The following CSMD1 variants were observed in gnomAD, a reference collection of about 807,000 sequenced individuals.
CSMD1 encodes CUB and sushi domain-containing protein 1.
CSMD1 carries 213 observed loss-of-function variants against 417.5 expected under a neutral mutation model. The ratio of observed to expected loss-of-function variants is 0.51; its 90% CI spans 0.46 to 0.57. The LOEUF (loss-of-function observed/expected upper bound fraction) is 0.57, where lower values mean the gene tolerates loss of function less well. Among genes scored for constraint, CSMD1 ranks in the 20% least tolerant of loss-of-function variants. The pLI, the probability that CSMD1 is intolerant of heterozygous loss-of-function variation, is 0.00. For synonymous variants in CSMD1, 2,862 were observed against 1,736.8 expected (o/e 1.65, Z -16.11); for missense variants, 6,923 against 4,529.7 (o/e 1.53, Z -15.17).
chr8:4,232,693 T>A (rs1327799751), intron 3 of CSMD1, among the ~76,000 whole-genome samples: 1 of 152,148 alleles, frequency 6.6e-6, no homozygotes, highest in Non-Finnish European at 1.5e-5. Context: ...GAAGGAGACA[T>A]TTTATAAAAG....
At chr8:2,973,089 G>T in intron 57 of CSMD1, 28 bp downstream of exon 57, 1 of 1,601,634 alleles carries the variant, frequency 6.2e-7, no homozygotes, top group Non-Finnish European at 8.5e-7. Flanking sequence ...AACTTTCAAG[G>T]TGGACCTTAA....
At chr8:4,443,508 T>C (rs1259886413) in intron 2 of CSMD1, among the ~76,000 whole-genome samples, 1 of 152,194 alleles carries the variant, frequency 6.6e-6, no homozygotes, top group Non-Finnish European at 1.5e-5. Flanking sequence ...CCACATATAT[T>C]AACACCAGAA....
At chr8:4,784,260 C>A (rs1461521494) in intron 1 of CSMD1, among the ~76,000 whole-genome samples, 1 of 152,204 alleles carries the variant, frequency 6.6e-6, no homozygotes, top group African/African-American at 2.4e-5. Context: ...CCCAAGTAAA[C>A]AGGCTTTACC....
At chr8:4,821,657 A>C (rs1215624016) in intron 1 of CSMD1, among the ~76,000 whole-genome samples, 1 of 152,160 alleles carries the variant, frequency 6.6e-6, no homozygotes, top group East Asian at 1.9e-4. Flanking sequence ...GGAATTTTGA[A>C]AGGAAATGAT....
intron 5 of CSMD1, among the ~76,000 whole-genome samples, chr8:3,907,517 T>A (rs1162160422): frequency 6.6e-6 from 1 of 152,138 alleles, no homozygotes; most frequent in African/African-American, 2.4e-5. Context: ...TCTCACAGAA[T>A]TGTGCAGATC....
At chr8:4,103,708 T>G (rs192116673) in intron 3 of CSMD1, among the ~76,000 whole-genome samples, 15 of 152,242 alleles carry the variant, frequency 9.9e-5, no homozygotes, top group African/African-American at 3.4e-4. Context: ...TTAAAACCCA[T>G]GATAAGAGTT....
intron 5 of CSMD1, among the ~76,000 whole-genome samples, chr8:3,756,816 G>A (rs773421307): frequency 6.6e-6 from 1 of 150,712 alleles, no homozygotes; most frequent in East Asian, 1.9e-4. Flanking sequence ...TTTTTCTTGA[G>A]ACAGTGTCTT....
intron 3 of CSMD1, among the ~76,000 whole-genome samples, chr8:4,089,178 G>A (rs539655089): frequency 2.0e-5 from 3 of 152,272 alleles, no homozygotes; most frequent in South Asian, 4.1e-4. Context: ...TCTTTATGGT[G>A]ACAATCTGTT....
chr8:3,884,593 G>C (rs866957779), intron 5 of CSMD1, among the ~76,000 whole-genome samples: 2 of 152,148 alleles, frequency 1.3e-5, no homozygotes, highest in Admixed American at 6.5e-5. Context: ...GGAAACATCG[G>C]TGAGAAGTCA....
intron 42 of CSMD1, chr8:3,113,103 A>AT (rs1816629588): frequency 6.6e-6 from 1 of 152,226 alleles, no homozygotes; most frequent in Non-Finnish European, 1.5e-5. Context: ...CAGGAAGCGT[A>AT]TCCCCCCTGC....
chr8:4,431,773 T>C (rs1001387892), intron 2 of CSMD1, among the ~76,000 whole-genome samples: 1 of 152,176 alleles, frequency 6.6e-6, no homozygotes, highest in Non-Finnish European at 1.5e-5. Context: ...TAACCTGGCA[T>C]GTATTAGAAA....
intron 26 of CSMD1, among the ~76,000 whole-genome samples, chr8:3,277,353 G>C (rs932132343): frequency 6.6e-6 from 1 of 152,144 alleles, no homozygotes; most frequent in Non-Finnish European, 1.5e-5. Flanking sequence ...GTGCGCAGGT[G>C]GGCCAGAAAG....
intron 5 of CSMD1, among the ~76,000 whole-genome samples, chr8:3,834,705 T>G (rs139619559): frequency 1.3e-5 from 2 of 152,034 alleles, no homozygotes; most frequent in East Asian, 3.9e-4. Flanking sequence ...TCAAAAGTCT[T>G]GGGCAGATTA....
chr8:4,016,684 C>T (rs192944451), intron 4 of CSMD1, among the ~76,000 whole-genome samples: 1 of 152,204 alleles, frequency 6.6e-6, no homozygotes, highest in Non-Finnish European at 1.5e-5. Flanking sequence ...AGAGCTTCAG[C>T]AAAATAGATT....
chr8:4,527,017 T>A (rs958445405), intron 2 of CSMD1, among the ~76,000 whole-genome samples: 6 of 152,232 alleles, frequency 3.9e-5, no homozygotes, highest in African/African-American at 1.4e-4. Flanking sequence ...ATAGAGCTAT[T>A]GAGCTGTATA....
chr8:3,020,378 G>A (rs868184048), intron 51 of CSMD1, among the ~76,000 whole-genome samples: 2 of 152,148 alleles, frequency 1.3e-5, no homozygotes, highest in African/African-American at 4.8e-5. Context: ...TTTTGTTGTT[G>A]TTTATGTAGA....
intron 4 of CSMD1, among the ~76,000 whole-genome samples, chr8:4,007,894 A>G (rs887949027): frequency 6.6e-6 from 1 of 151,708 alleles, no homozygotes; most frequent in Non-Finnish European, 1.5e-5. Flanking sequence ...TTTCTTAAGA[A>G]TGAGTGTTAA....
chr8:4,755,451 A>C (rs1811606681), intron 1 of CSMD1, among the ~76,000 whole-genome samples: 1 of 152,158 alleles, frequency 6.6e-6, no homozygotes, highest in South Asian at 2.1e-4. Flanking sequence ...TTTTTTATTT[A>C]AATAAATTTA....
intron 1 of CSMD1, among the ~76,000 whole-genome samples, chr8:4,889,996 C>A (rs1804001059): frequency 6.6e-6 from 1 of 152,100 alleles, no homozygotes; most frequent in South Asian, 2.1e-4. Context: ...TATATGACTT[C>A]AGGTATCTTA....
Sources: gnomAD v4.1 joint callset for allele counts (sites outside exome capture counted in the v4.1 genomes callset) on GRCh38, gnomAD v4.1.1 for gene constraint, MANE v1.5 for transcripts, NCBI Gene and HGNC (gene_info 2026-07-23, HGNC 2026-07-21) for gene names.